Variants in PDLIM5 observed in about 807,000 individuals in gnomAD.
PDLIM5 encodes PDZ and LIM domain protein 5.
In PDLIM5, 34 loss-of-function variants were observed where a neutral mutation model predicts 64.2. That is an observed-to-expected ratio of 0.53 (90% CI 0.40 to 0.71). The LOEUF is 0.71. Among genes scored for constraint, PDLIM5 ranks in the 30% least tolerant of loss-of-function variants. PDLIM5 has a pLI of 0.00. For synonymous variants in PDLIM5, 253 were observed against 269.1 expected (o/e 0.94, Z 0.59); for missense variants, 683 against 733.6 (o/e 0.93, Z 0.80).
chr4:94,556,166 T>G (rs1733300769), intron 3 of PDLIM5, among the ~76,000 whole-genome samples: 1 of 152,044 alleles, frequency 6.6e-6, no homozygotes, highest in Non-Finnish European at 1.5e-5. Flanking sequence ...TTTGGTTTTT[T>G]GTCCTTGCGA....
chr4:94,471,095 C>T (rs535294470), intron 2 of PDLIM5, among the ~76,000 whole-genome samples: 2 of 152,258 alleles, frequency 1.3e-5, no homozygotes, highest in South Asian at 4.1e-4. Context: ...AGTTACCTCC[C>T]ACCAGGTCCC....
Position 94,573,390 on chromosome 4 carries a change from A to G in PDLIM5, c.288A>G (p.Gln96=). The stretch of plus-strand genomic sequence containing the variant: ...CCAAGCCTGAGCCGGTTCCTGTTCA[A>G]AAGGTGTGTTTTTAAGCTAGCACCC... The part of the protein sequence containing the change: ...AAPKPEPVPV[Q]KGEPKEVVKP... The change falls in exon 4 of 13, where the codon CAA becomes CAG. Residue 96 remains glutamine (Q), a synonymous_variant. Coordinates refer to ENST00000317968, the MANE Select transcript of PDLIM5 (RefSeq NM_006457.5). 2 of 1,611,904 alleles carry G rather than the reference A, an allele frequency of 1.2e-6. No individual in the cohort carries two copies. Among genetic ancestry groups the G allele is most frequent in the Non-Finnish European group, 1.7e-6 (2 of 1,178,234 alleles).
chr4:94,567,194 C>T lies in PDLIM5; in HGVS notation c.249-6157C>T, dbSNP rs550269870. Among the ~76,000 whole-genome samples, 52 of 152,206 alleles carry T rather than the reference C, an allele frequency of 3.4e-4. No individual in the cohort carries two copies. The South Asian group carries it at 4.4e-3, about 13-fold the overall frequency. On this transcript the variant is annotated intron_variant, in intron 3 of 12. Transcript: ENST00000317968. The stretch of plus-strand genomic sequence containing the variant: ...ATTTTTAGTAGAGACGGGGTTTCAC[C>T]GTGTTAGCCAGGATGATCTCGATCT...
chr4:94,489,108 G>A (rs774983), intron 2 of PDLIM5: 150,786 of 152,330 alleles, frequency 0.99, 74,640 homozygotes, highest in Non-Finnish European at 1. Flanking sequence ...AAGTAGCCCT[G>A]GAAGATTTGG....
chr4:94,564,857 C>T (rs1158563795), intron 3 of PDLIM5, among the ~76,000 whole-genome samples: 2 of 151,694 alleles, frequency 1.3e-5, no homozygotes, highest in East Asian at 1.9e-4. Context: ...GGGGTTTCAC[C>T]GTGTTAGCCA....
At chr4:94,568,638 T>G (rs925732853) in intron 3 of PDLIM5, among the ~76,000 whole-genome samples, 24 of 150,062 alleles carry the variant, frequency 1.6e-4, no homozygotes, top group Non-Finnish European at 3.4e-4. Flanking sequence ...GGCAAATAAT[T>G]TTTTTCCCTC....
chr4:94,552,513 C>A (rs1009378673), intron 3 of PDLIM5, among the ~76,000 whole-genome samples: 2 of 152,012 alleles, frequency 1.3e-5, no homozygotes, highest in African/African-American at 4.8e-5. Flanking sequence ...TAAATATTGT[C>A]TTTATATTTA....
chr4:94,554,132 T>G (rs531843535), intron 3 of PDLIM5, among the ~76,000 whole-genome samples: 126 of 152,366 alleles, frequency 8.3e-4, no homozygotes, highest in Non-Finnish European at 1.4e-3. Flanking sequence ...AAATTGGTTT[T>G]CTTTGCATTG....
intron 8 of PDLIM5, among the ~76,000 whole-genome samples, chr4:94,637,734 T>C (rs927929471): frequency 5.3e-5 from 8 of 152,214 alleles, no homozygotes; most frequent in African/African-American, 1.9e-4. Context: ...GGACTACATA[T>C]AGTTTGTAAT....
Position 94,666,195 on chromosome 4 carries a change from G to A in PDLIM5, c.*2128G>A. The A allele has an allele frequency of 1.8e-6, 1 of 548,524 alleles. No individual in the cohort carries two copies. The highest frequency in any genetic ancestry group is 3.0e-5 in the South Asian group (1 of 33,834). 34.0% of individuals were successfully genotyped at this position (548,524 alleles called of 1,614,324 possible). Reference sequence around the variant, plus strand: ...GAGGAGGTTTTAGGCTACAATATTTGTTTAACCTCCCTAAGAACTTTCAAG... The same window carrying A: ...GAGGAGGTTTTAGGCTACAATATTTATTTAACCTCCCTAAGAACTTTCAAG... On this transcript the variant is annotated 3_prime_UTR_variant, in exon 13 of 13. Coordinates refer to ENST00000317968, the MANE Select transcript of PDLIM5 (RefSeq NM_006457.5).
intron 3 of PDLIM5, among the ~76,000 whole-genome samples, chr4:94,532,115 TGTGA>T (rs999915122): frequency 2.6e-5 from 4 of 152,344 alleles, no homozygotes; most frequent in African/African-American, 9.6e-5. Context: ...GTATGCATTC[TGTGA>T]GTAACTAAAA....
At chr4:94,596,336 A>G (rs1737066110) in intron 7 of PDLIM5, among the ~76,000 whole-genome samples, 1 of 152,110 alleles carries the variant, frequency 6.6e-6, no homozygotes, top group Non-Finnish European at 1.5e-5. Flanking sequence ...TAATCCCAGA[A>G]TATTCACCAC....
chr4:94,563,928 G>A (rs1243302942), intron 3 of PDLIM5, among the ~76,000 whole-genome samples: 1 of 140,266 alleles, frequency 7.1e-6, no homozygotes, highest in Non-Finnish European at 1.6e-5. Flanking sequence ...ACTGCATTTA[G>A]CAATTTTTCT....
At chr4:94,472,469 G>A (rs1435225396) in intron 2 of PDLIM5, among the ~76,000 whole-genome samples, 1 of 152,176 alleles carries the variant, frequency 6.6e-6, no homozygotes, top group Non-Finnish European at 1.5e-5. Flanking sequence ...AGTTGCTCTA[G>A]GGAATAGTTT....
chr4:94,478,191 G>A (rs1038405025), intron 2 of PDLIM5, among the ~76,000 whole-genome samples: 1 of 150,980 alleles, frequency 6.6e-6, no homozygotes, highest in Non-Finnish European at 1.5e-5. Context: ...GGGAGGCGGA[G>A]GTTGCAGTGA....
chr4:94,663,787 A>T (rs887397831), intron 12 of PDLIM5, among the ~76,000 whole-genome samples, 191 bp from the exon 13 acceptor site: 14 of 152,304 alleles, frequency 9.2e-5, no homozygotes, highest in African/African-American at 3.4e-4. Flanking sequence ...GCAATTTTTC[A>T]TTGCTTTTGA....
chr4:94,640,668 G>A (rs1740936555), intron 9 of PDLIM5, among the ~76,000 whole-genome samples: 1 of 151,990 alleles, frequency 6.6e-6, no homozygotes, highest in South Asian at 2.1e-4. Flanking sequence ...AGTACTAATT[G>A]CGTTCGTTAT....
chr4:94,542,819 A>C (rs1731940721), intron 3 of PDLIM5, among the ~76,000 whole-genome samples: 1 of 152,194 alleles, frequency 6.6e-6, no homozygotes, highest in Admixed American at 6.5e-5. Context: ...CTAAATTAGT[A>C]AAATAAATGA....
intron 8 of PDLIM5, among the ~76,000 whole-genome samples, chr4:94,626,023 C>T (rs938536817): frequency 5.9e-5 from 9 of 152,096 alleles, no homozygotes; most frequent in African/African-American, 2.2e-4. Context: ...GTAAGCTATA[C>T]ATATAAAAGT....
Sources: allele counts gnomAD v4.1 joint callset (sites outside exome capture counted in the v4.1 genomes callset), GRCh38; gene constraint gnomAD v4.1.1; transcripts MANE v1.5; gene names NCBI Gene and HGNC (gene_info 2026-07-23, HGNC 2026-07-21).